Variants in NR2C2 observed in about 807,000 individuals in gnomAD.
The protein encoded by NR2C2 is nuclear receptor subfamily 2 group C member 2, also known as Nuclear hormone receptor TR4.
A neutral mutation model predicts 62.9 loss-of-function variants in NR2C2; 6 were observed. The observed-to-expected ratio is 0.10, with a 90% CI of 0.05 to 0.19. NR2C2 has a LOEUF of 0.19. Among genes scored for constraint, NR2C2 ranks in the 10% least tolerant of loss-of-function variants. The pLI, the probability that NR2C2 is intolerant of heterozygous loss-of-function variation, is 1.00. For missense variants in NR2C2, 479 were observed against 762.7 expected, an observed-to-expected ratio of 0.63 and a Z score of 4.38; for synonymous variants, 272 against 273.8, an observed-to-expected ratio of 0.99 and a Z score of 0.07.
chr3:15,022,319 C>T, intron 5 of NR2C2, among the ~76,000 whole-genome samples: 1 of 151,986 alleles, frequency 6.6e-6, no homozygotes. Flanking sequence ...TAGAAGGGTT[C>T]CTCTACAAAT....
chr3:14,962,347 A>G (rs945297038), intron 1 of NR2C2: 7 of 152,602 alleles, frequency 4.6e-5, no homozygotes, highest in Non-Finnish European at 7.3e-5. Context: ...TTGATTACTA[A>G]TATTTTTCAA....
At chr3:15,039,797 AGTTT>A (rs530399451) in intron 13 of NR2C2, among the ~76,000 whole-genome samples, 56 of 152,326 alleles carry the variant, frequency 3.7e-4, no homozygotes, top group South Asian at 2.1e-3. Context: ...AATGGAAAAA[AGTTT>A]GTTTGGGTGC....
At chr3:14,957,478 TG>T (rs2039559317) in intron 1 of NR2C2, among the ~76,000 whole-genome samples, 1 of 152,208 alleles carries the variant, frequency 6.6e-6, no homozygotes, top group Non-Finnish European at 1.5e-5. Flanking sequence ...TTGTTGTTGG[TG>T]GGGTGATATT....
In NR2C2 at chr3:15,023,192, G is replaced by A; in HGVS notation, c.557-8G>A. ...CTCTAAACACAAATATTTATGTTGTGATTTAAGCTGTGCAGAGTGAACGGA... is the reference window on the plus strand; with the variant it reads ...CTCTAAACACAAATATTTATGTTGTAATTTAAGCTGTGCAGAGTGAACGGA... On this transcript the variant is annotated splice_region_variant and splice_polypyrimidine_tract_variant and intron_variant, in intron 5 of 13. Coordinates refer to ENST00000425241, the MANE Select transcript of NR2C2 (RefSeq NM_001291694.2). 6.2e-7 allele frequency: 1 copy of A among 1,613,782 alleles called. No homozygotes were observed. Among genetic ancestry groups the A allele is most frequent in the Non-Finnish European group, 8.5e-7 (1 of 1,179,838 alleles).
At chr3:14,997,024 G>T (rs3846126) in intron 1 of NR2C2, among the ~76,000 whole-genome samples, 9,444 of 152,244 alleles carry the variant, frequency 0.062, 1,014 homozygotes, top group African/African-American at 0.21. Context: ...TGCCAGTGAA[G>T]AATTTTCAAT....
chr3:14,990,811 A>G lies in NR2C2; in HGVS notation c.-39-13065A>G, dbSNP rs190413138. The stretch of plus-strand genomic sequence containing the variant: ...GTAGTCACTTATTTTTACAGCAGTT[A>G]GTATAATAGCAGTGGATTTAGACAC... On this transcript the variant is annotated intron_variant, in intron 1 of 13. Coordinates refer to ENST00000425241, the MANE Select transcript of NR2C2 (RefSeq NM_001291694.2). 3.3e-5 allele frequency among the ~76,000 whole-genome samples: 5 copies of G among 152,364 alleles called. No homozygotes were observed. The East Asian group carries it at 9.6e-4, about 29-fold the overall frequency.
intron 1 of NR2C2, among the ~76,000 whole-genome samples, chr3:14,999,045 A>G (rs753251808): frequency 1.6e-4 from 24 of 152,098 alleles, no homozygotes; most frequent in Non-Finnish European, 2.9e-4. Flanking sequence ...GGCCAGGTGC[A>G]GTGGCTCACG....
chr3:15,035,399 C>G (rs1440156557), intron 11 of NR2C2, among the ~76,000 whole-genome samples: 2 of 152,256 alleles, frequency 1.3e-5, no homozygotes, highest in Non-Finnish European at 2.9e-5. Flanking sequence ...AGGTCAACTT[C>G]TTGATAGGCA....
intron 4 of NR2C2, among the ~76,000 whole-genome samples, chr3:15,018,180 G>A (rs560701315): frequency 6.6e-5 from 10 of 152,254 alleles, no homozygotes; most frequent in African/African-American, 2.4e-4. Context: ...TGTATTTTTA[G>A]TAGAGACTGG....
At chr3:14,979,805 G>A (rs1383597106) in intron 1 of NR2C2, among the ~76,000 whole-genome samples, 1 of 152,116 alleles carries the variant, frequency 6.6e-6, no homozygotes, top group Non-Finnish European at 1.5e-5. Flanking sequence ...AGATCATTCT[G>A]GGTATTATAG....
chr3:14,969,155 GAAA>G (rs1029482512), intron 1 of NR2C2, among the ~76,000 whole-genome samples: 1 of 144,596 alleles, frequency 6.9e-6, no homozygotes, highest in Non-Finnish European at 1.5e-5. Context: ...ATTAAAAAAA[GAAA>G]AAAAAATTTC....
At chr3:14,960,147 A>G (rs1266914249) in intron 1 of NR2C2, among the ~76,000 whole-genome samples, 1 of 152,236 alleles carries the variant, frequency 6.6e-6, no homozygotes, top group Non-Finnish European at 1.5e-5. Context: ...CAGGATTTTC[A>G]TAAATGAAAG....
intron 13 of NR2C2, among the ~76,000 whole-genome samples, chr3:15,040,711 A>G (rs1336746914): frequency 1.3e-5 from 2 of 152,210 alleles, no homozygotes; most frequent in African/African-American, 2.4e-5. Flanking sequence ...TGGCTTTTAC[A>G]AAAGCAAGAT....
At chr3:15,021,111 T>A (rs1311933982) in intron 5 of NR2C2, among the ~76,000 whole-genome samples, 179 bp downstream of exon 5, 1 of 152,116 alleles carries the variant, frequency 6.6e-6, no homozygotes, top group Non-Finnish European at 1.5e-5. Context: ...GCTGCAGGGG[T>A]TGGTCTCTTC....
chr3:14,985,759 G>T (rs1347412302), intron 1 of NR2C2, among the ~76,000 whole-genome samples: 5 of 152,072 alleles, frequency 3.3e-5, no homozygotes, highest in Non-Finnish European at 5.9e-5. Flanking sequence ...TTTGCACATT[G>T]AAGTATTTTC....
At chr3:14,959,839 A>C (rs2039642100) in intron 1 of NR2C2, among the ~76,000 whole-genome samples, 1 of 152,216 alleles carries the variant, frequency 6.6e-6, no homozygotes, top group African/African-American at 2.4e-5. Context: ...ACTTAGTGGA[A>C]TAGAATAGAG....
chr3:15,036,021 C>G (rs556099123), intron 11 of NR2C2, among the ~76,000 whole-genome samples: 1 of 149,846 alleles, frequency 6.7e-6, no homozygotes, highest in East Asian at 2.0e-4. Context: ...GAGCGAGACT[C>G]TGTCTCCAAA....
intron 2 of NR2C2, among the ~76,000 whole-genome samples, chr3:15,009,015 G>GT (rs1430671110): frequency 6.6e-6 from 1 of 152,158 alleles, no homozygotes; most frequent in Non-Finnish European, 1.5e-5. Flanking sequence ...GAGGTTGGGA[G>GT]TTTGAGACCA....
rs144579482 is a variant in NR2C2, at chr3:14,982,473, C to G, written c.-39-21403C>G. Reference sequence around the variant, plus strand: ...TGATCTCTTCATCATATTGAGTCTTCCGATCCATCATGGAAAATCTTTCAA... The same window carrying G: ...TGATCTCTTCATCATATTGAGTCTTGCGATCCATCATGGAAAATCTTTCAA... On this transcript the variant is annotated intron_variant, in intron 1 of 13. Transcript: ENST00000425241. 2.0e-5 allele frequency among the ~76,000 whole-genome samples: 3 copies of G among 152,262 alleles called. No individual in the cohort carries two copies. In the East Asian group the frequency reaches 5.8e-4, roughly 29 times the overall value.
Sources: gnomAD v4.1 joint callset for allele counts (sites outside exome capture counted in the v4.1 genomes callset) on GRCh38, gnomAD v4.1.1 for gene constraint, MANE v1.5 for transcripts, NCBI Gene and HGNC (gene_info 2026-07-23, HGNC 2026-07-21) for gene names.